GAREM1: variants seen among roughly 807,000 people sequenced by gnomAD.
GAREM1 encodes the protein GRB2-associated and regulator of MAPK protein 1.
In GAREM1, 26 loss-of-function variants were observed where a neutral mutation model predicts 71.3. The ratio of observed to expected loss-of-function variants is 0.36; its 90% CI spans 0.27 to 0.51. GAREM1 has a LOEUF of 0.51. Among genes scored for constraint, GAREM1 ranks in the 20% least tolerant of loss-of-function variants. GAREM1 has a pLI of 0.95. For synonymous variants in GAREM1, 440 were observed against 433.2 expected, an observed-to-expected ratio of 1.02 and a Z score of -0.20; for missense variants, 1,026 against 1,103.1, an observed-to-expected ratio of 0.93 and a Z score of 0.99.
chr18:32,343,309 C>CGGT (rs1567972123), intron 2 of GAREM1, among the ~76,000 whole-genome samples: 1 of 141,272 alleles, frequency 7.1e-6, no homozygotes. Context: ...CTCTCCCCCA[C>CGGT]TGTTTTTTTT....
intron 1 of GAREM1, among the ~76,000 whole-genome samples, chr18:32,407,879 C>T (rs985909896): frequency 6.6e-6 from 1 of 151,962 alleles, no homozygotes; most frequent in African/African-American, 2.4e-5. Context: ...AATTGACGCA[C>T]AGGAGCATTT....
intron 2 of GAREM1, among the ~76,000 whole-genome samples, chr18:32,317,067 G>C (rs1043228158): frequency 6.6e-6 from 1 of 152,148 alleles, no homozygotes; most frequent in African/African-American, 2.4e-5. Context: ...CCTGCTGGAA[G>C]GAGTGGAAAG....
At chr18:32,316,101 C>T (rs2047375721) in intron 2 of GAREM1, among the ~76,000 whole-genome samples, 1 of 152,060 alleles carries the variant, frequency 6.6e-6, no homozygotes, top group Non-Finnish European at 1.5e-5. Flanking sequence ...TTTTGTCATC[C>T]TATTGGACAG....
intron 2 of GAREM1, among the ~76,000 whole-genome samples, chr18:32,357,011 C>T (rs928017228): frequency 2.0e-5 from 3 of 152,166 alleles, no homozygotes; most frequent in Admixed American, 6.5e-5. Context: ...AGCACAATCC[C>T]GTGCTACTCT....
At chr18:32,378,059 CGCGCGG>C (rs1382379822) in intron 2 of GAREM1, among the ~76,000 whole-genome samples, 9 of 112,984 alleles carry the variant, frequency 8.0e-5, no homozygotes, top group African/African-American at 3.2e-4. Context: ...TGTGTGTGTG[CGCGCGG>C]GCGCTTTGGA....
At chr18:32,290,642 GAAAAAA>G (rs586596) in intron 3 of GAREM1, among the ~76,000 whole-genome samples, 1,314 of 75,648 alleles carry the variant, frequency 0.017, 32 homozygotes, top group African/African-American at 0.052. Context: ...CAGACTGTCT[GAAAAAA>G]AAAAAAAAAA....
chr18:32,347,377 A>G (rs1567973667), intron 2 of GAREM1, among the ~76,000 whole-genome samples: 1 of 152,020 alleles, frequency 6.6e-6, no homozygotes, highest in Non-Finnish European at 1.5e-5. Flanking sequence ...AAAGAAAACT[A>G]AGTGCACCTC....
intron 1 of GAREM1, among the ~76,000 whole-genome samples, chr18:32,421,571 C>T (rs934719682): frequency 6.6e-6 from 1 of 152,078 alleles, no homozygotes; most frequent in Non-Finnish European, 1.5e-5. Flanking sequence ...CCCTTTAGGA[C>T]CCAGCCACAG....
intron 1 of GAREM1, among the ~76,000 whole-genome samples, chr18:32,414,060 A>G (rs1371811290): frequency 6.6e-6 from 1 of 152,206 alleles, no homozygotes; most frequent in Non-Finnish European, 1.5e-5. Flanking sequence ...TATTGTACAC[A>G]CATATACTTT....
intron 2 of GAREM1, among the ~76,000 whole-genome samples, chr18:32,378,928 T>C (rs929335526): frequency 3.3e-5 from 5 of 151,446 alleles, no homozygotes; most frequent in Non-Finnish European, 5.9e-5. Context: ...ATCATGGGAG[T>C]GAGCTCACTG....
intron 2 of GAREM1, among the ~76,000 whole-genome samples, chr18:32,356,862 A>C (rs1181443019): frequency 2.0e-5 from 3 of 152,168 alleles, no homozygotes; most frequent in African/African-American, 7.2e-5. Context: ...AAGATCCAGG[A>C]CTTCAAGTTC....
At chr18:32,405,803 C>T (rs992164931) in intron 1 of GAREM1, among the ~76,000 whole-genome samples, 1 of 152,214 alleles carries the variant, frequency 6.6e-6, no homozygotes, top group Non-Finnish European at 1.5e-5. Context: ...CAGCTGCCAG[C>T]AGGCTGGGTT....
intron 2 of GAREM1, among the ~76,000 whole-genome samples, chr18:32,359,104 C>T (rs1043269605): frequency 4.6e-5 from 7 of 151,964 alleles, no homozygotes; most frequent in African/African-American, 1.7e-4. Flanking sequence ...TTGAAAAAAG[C>T]AAAAAACTAT....
At chr18:32,463,004 T>G (rs1250724457) in intron 1 of GAREM1, among the ~76,000 whole-genome samples, 1 of 152,044 alleles carries the variant, frequency 6.6e-6, no homozygotes, top group African/African-American at 2.4e-5. Flanking sequence ...AGTGTCCTAC[T>G]GCACAGTGGG....
intron 2 of GAREM1, among the ~76,000 whole-genome samples, chr18:32,380,251 G>A (rs529683222): frequency 3.3e-5 from 5 of 152,158 alleles, no homozygotes; most frequent in African/African-American, 1.2e-4. Flanking sequence ...CGAAGCAGGG[G>A]GATCACCTGA....
At chr18:32,437,221 T>C (rs796751920) in intron 1 of GAREM1, among the ~76,000 whole-genome samples, 18 of 152,270 alleles carry the variant, frequency 1.2e-4, no homozygotes, top group African/African-American at 4.3e-4. Context: ...TTATTTCACG[T>C]GTTACTCAGC....
Position 32,287,971 on chromosome 18 carries a change from A to G in GAREM1, c.626T>C (p.Ile209Thr). The change falls in exon 4 of 6, where the codon ATT becomes ACT. Residue 209 changes from isoleucine (I) to threonine (T), a missense_variant. Ile to Thr is a moderately conservative substitution (Grantham distance 89). Coordinates refer to ENST00000269209, the MANE Select transcript of GAREM1 (RefSeq NM_001242409.2). The surrounding 1 kb of genome is among the most constrained non-coding windows in gnomAD (Gnocchi z 5.9). The part of the protein sequence containing the change: ...ICMNHRTNES[I>T]SLPFQCKGRF... Reference sequence around the variant, plus strand: ...GCCCTTGCACTGGAATGGAAGGCTAATGCTTTCGTTGGTCCGGTGATTCAT... The same window carrying G: ...GCCCTTGCACTGGAATGGAAGGCTAGTGCTTTCGTTGGTCCGGTGATTCAT... 3 of 1,614,064 alleles carry G rather than the reference A, an allele frequency of 1.9e-6. No individual in the cohort carries two copies. The East Asian group carries it at 6.7e-5, about 36-fold the overall frequency.
intron 1 of GAREM1, among the ~76,000 whole-genome samples, chr18:32,465,387 T>C (rs1271384601): frequency 6.6e-6 from 1 of 152,146 alleles, no homozygotes; most frequent in Non-Finnish European, 1.5e-5. Flanking sequence ...GGCCTAAGTG[T>C]CCATGTTTTT....
chr18:32,340,315 C>T (rs1383975786), intron 2 of GAREM1, among the ~76,000 whole-genome samples: 2 of 152,166 alleles, frequency 1.3e-5, no homozygotes, highest in Non-Finnish European at 2.9e-5. Context: ...AACTAGGATC[C>T]ACGCTCTAGA....
Sources: gnomAD v4.1 joint callset for allele counts (sites outside exome capture counted in the v4.1 genomes callset) on GRCh38, gnomAD v4.1.1 for gene constraint, Gnocchi (gnomAD v3.1) non-coding constraint, MANE v1.5 for transcripts, NCBI Gene and HGNC (gene_info 2026-07-23, HGNC 2026-07-21) for gene names.